Variants in SH2D3C observed in about 807,000 individuals in gnomAD.
SH2D3C encodes SH2 domain-containing protein 3C.
SH2D3C carries 25 observed loss-of-function variants against 75.2 expected under a neutral mutation model. The observed-to-expected ratio is 0.33, with a 90% CI of 0.24 to 0.46. SH2D3C has a LOEUF of 0.46. SH2D3C is among the 20% of genes least tolerant of loss of function. The pLI, the probability that SH2D3C is intolerant of heterozygous loss-of-function variation, is 1.00. For synonymous variants in SH2D3C, 450 were observed against 473.7 expected (o/e 0.95, Z 0.65); for missense variants, 933 against 1,165.3 (o/e 0.80, Z 2.90).
rs1845202748 is a variant in SH2D3C at position 127,751,561 on chromosome 9, C to T, written c.556-261G>A. ...TGATATATAAACCAAGCCCGGCCCT[C>T]AAGGCAGTGCCTAGTCTGAGGAGAG... On this transcript the variant is annotated intron_variant, in intron 3 of 11. Coordinates refer to ENST00000314830, the MANE Select transcript of SH2D3C (RefSeq NM_170600.3). This position sits in a 1 kb window ranked among gnomAD's most constrained non-coding sequence, Gnocchi z 4.1. 6.6e-6 allele frequency among the ~76,000 whole-genome samples: 1 copy of T among 152,244 alleles called. No individual in the cohort carries two copies. Among genetic ancestry groups the T allele is most frequent in the Non-Finnish European group, 1.5e-5 (1 of 68,052 alleles).
intron 2 of SH2D3C, among the ~76,000 whole-genome samples, chr9:127,772,482 G>A (rs533073605): frequency 3.9e-5 from 6 of 152,162 alleles, no homozygotes; most frequent in South Asian, 2.1e-4. Flanking sequence ...GGCTGGTCTC[G>A]AACTCCTGAC....
rs1295430317 is a variant in SH2D3C at position 127,774,981 on chromosome 9, G to C, written c.38-514C>G. ...GGCGCACCTGTAATCCCAGCTTCTT[G>C]GGAGGCTGAGGCAGGAGAATTGCTT... is the stretch of plus-strand genomic sequence containing the variant. On this transcript the variant is annotated intron_variant, in intron 1 of 11. Transcript: ENST00000314830. This position sits in a 1 kb window ranked among gnomAD's most constrained non-coding sequence, Gnocchi z 4.3. Among the ~76,000 whole-genome samples, 1 of 151,998 alleles carries C rather than the reference G, an allele frequency of 6.6e-6. No homozygotes were observed. The highest frequency in any genetic ancestry group is 1.5e-5 in the Non-Finnish European group (1 of 67,984).
intron 8 of SH2D3C, among the ~76,000 whole-genome samples, chr9:127,742,221 G>T (rs1158139080): frequency 6.6e-6 from 1 of 151,702 alleles, no homozygotes; most frequent in Non-Finnish European, 1.5e-5. Context: ...TTTTTGTTTT[G>T]TTTTTGTTTG....
rs760802114 is a variant in SH2D3C at position 127,747,198 on chromosome 9, A to T, written c.1213T>A (p.Ser405Thr). Reference protein sequence around the residue: ...LSMDQIPDLHSPMSPISESPS... With the variant: ...LSMDQIPDLHTPMSPISESPS... Reference sequence around the variant, plus strand: ...CTCTCGGAGATGGGCGACATGGGTGAGTGCAGGTCTGGGATCTGGTCCATG... The same window carrying T: ...CTCTCGGAGATGGGCGACATGGGTGTGTGCAGGTCTGGGATCTGGTCCATG... Residue 405 changes from serine (S) to threonine (T), a missense_variant, in exon 6 of 12, where the codon TCA becomes ACA. Transcript: ENST00000314830. 1 of 1,614,032 alleles carries T rather than the reference A, an allele frequency of 6.2e-7. No individual in the cohort carries two copies. Among genetic ancestry groups the T allele is most frequent in the South Asian group, 1.1e-5 (1 of 91,082 alleles).
chr9:127,768,607 A>C (rs2131804582), intron 2 of SH2D3C, among the ~76,000 whole-genome samples: 1 of 152,242 alleles, frequency 6.6e-6, no homozygotes, highest in South Asian at 2.1e-4. Context: ...AAACACAGAA[A>C]AGATTCTCCT....
chr9:127,755,235 G>T (rs1845343169), intron 3 of SH2D3C: 1 of 1,187,696 alleles, frequency 8.4e-7, no homozygotes, highest in South Asian at 4.2e-5. Flanking sequence ...GGGACCAACC[G>T]GCTAGGCACC....
chr9:127,750,108 A>G (rs1214096973), intron 4 of SH2D3C, among the ~76,000 whole-genome samples: 1 of 151,544 alleles, frequency 6.6e-6, no homozygotes, highest in Non-Finnish European at 1.5e-5. Flanking sequence ...GTCCTGGAAC[A>G]CCCTTCCTGC....
In SH2D3C at chr9:127,774,982, G is replaced by A. The variant is rs1379032553; in HGVS notation, c.38-515C>T. Among the ~76,000 whole-genome samples, 2 of 152,004 alleles carry A rather than the reference G, an allele frequency of 1.3e-5. No homozygotes were observed. The highest frequency in any genetic ancestry group is 2.4e-5 in the African/African-American group (1 of 41,362). ...GCGCACCTGTAATCCCAGCTTCTTG[G>A]GAGGCTGAGGCAGGAGAATTGCTTG... On this transcript the variant is annotated intron_variant, in intron 1 of 11. Coordinates refer to ENST00000314830, the MANE Select transcript of SH2D3C (RefSeq NM_170600.3). This position sits in a 1 kb window ranked among gnomAD's most constrained non-coding sequence, Gnocchi z 4.3.
At chr9:127,764,619 G>A (rs1845598656) in intron 2 of SH2D3C, among the ~76,000 whole-genome samples, 1 of 152,014 alleles carries the variant, frequency 6.6e-6, no homozygotes, top group Non-Finnish European at 1.5e-5. Flanking sequence ...CCCCACCTCA[G>A]GGTCTTTGCA....
At chr9:127,748,366 G>A (rs952468970) in intron 5 of SH2D3C, among the ~76,000 whole-genome samples, 1 of 152,138 alleles carries the variant, frequency 6.6e-6, no homozygotes, top group African/African-American at 2.4e-5. Flanking sequence ...TCCTTGACTG[G>A]GAGCACCCAA....
chr9:127,757,202 T>A (rs1198561602), intron 3 of SH2D3C, among the ~76,000 whole-genome samples: 1 of 150,392 alleles, frequency 6.6e-6, no homozygotes, highest in Non-Finnish European at 1.5e-5. Context: ...ATTACACGCA[T>A]AAGCCACCGT....
intron 2 of SH2D3C, among the ~76,000 whole-genome samples, chr9:127,764,029 C>T (rs1845586332): frequency 6.6e-6 from 1 of 152,212 alleles, no homozygotes; most frequent in Non-Finnish European, 1.5e-5. Flanking sequence ...ACATTTCCTG[C>T]TATTCAGGCC....
In SH2D3C at chr9:127,763,198, G is replaced by A. The variant is rs77344909; in HGVS notation, c.516-1548C>T. ...CTTTGCTTAATGTCACCTCTTCGGA[G>A]AAGCCTTCCCTGACCTCCCCACCTT... On this transcript the variant is annotated intron_variant, in intron 2 of 11. Coordinates refer to ENST00000314830, the MANE Select transcript of SH2D3C (RefSeq NM_170600.3). 1.3e-4 allele frequency among the ~76,000 whole-genome samples: 20 copies of A among 152,310 alleles called. No individual in the cohort carries two copies. The East Asian group carries it at 3.9e-3, about 29-fold the overall frequency.
intron 3 of SH2D3C, among the ~76,000 whole-genome samples, chr9:127,756,471 T>C (rs1341898910): frequency 1.3e-5 from 2 of 152,118 alleles, no homozygotes; most frequent in African/African-American, 4.8e-5. Context: ...CAGTTGTTTG[T>C]TTGTTTTCTG....
At chr9:127,769,959 G>A (rs7038694) in intron 2 of SH2D3C, among the ~76,000 whole-genome samples, 2,791 of 152,278 alleles carry the variant, frequency 0.018, 74 homozygotes, top group African/African-American at 0.062. Flanking sequence ...ATCATGCCTG[G>A]TGGGACCCTC....
intron 2 of SH2D3C, among the ~76,000 whole-genome samples, chr9:127,764,095 G>A (rs925339394): frequency 4.6e-5 from 7 of 152,184 alleles, no homozygotes; most frequent in African/African-American, 9.7e-5. Context: ...TCAACCCAGC[G>A]CTTCCTCCTG....
At chr9:127,768,595 T>C (rs1168792476) in intron 2 of SH2D3C, among the ~76,000 whole-genome samples, 1 of 152,084 alleles carries the variant, frequency 6.6e-6, no homozygotes, top group Non-Finnish European at 1.5e-5. Flanking sequence ...CAAAAAAACA[T>C]CAAACACAGA....
chr9:127,771,751 C>G (rs1023934535), intron 2 of SH2D3C, among the ~76,000 whole-genome samples: 2 of 152,254 alleles, frequency 1.3e-5, no homozygotes, highest in Non-Finnish European at 2.9e-5. Context: ...CAGGCCCTCT[C>G]AGCTACATAC....
intron 7 of SH2D3C, 37 bp downstream of exon 7, chr9:127,744,527 G>A (rs369604948): frequency 6.4e-6 from 10 of 1,569,344 alleles, no homozygotes; most frequent in African/African-American, 5.4e-5. Flanking sequence ...ACAGAACAGA[G>A]ATGCTCCCTC....
Sources: allele counts gnomAD v4.1 joint callset (sites outside exome capture counted in the v4.1 genomes callset), GRCh38; gene constraint gnomAD v4.1.1; non-coding constraint Gnocchi (gnomAD v3.1); transcripts MANE v1.5; gene names NCBI Gene and HGNC (gene_info 2026-07-23, HGNC 2026-07-21).